OR51E2: variants seen among roughly 807,000 people sequenced by gnomAD.
OR51E2 encodes the protein olfactory receptor family 51 subfamily E member 2, also known as olfactory receptor 51E2.
OR51E2 carries 14 observed loss-of-function variants against 13.7 expected under a neutral mutation model. The ratio of observed to expected loss-of-function variants is 1.02; its 90% CI spans 0.68 to 1.60. The LOEUF is 1.60. OR51E2 is among the 40% of genes most tolerant of loss of function. The pLI is 0.00. For synonymous variants in OR51E2, 180 were observed against 157.6 expected (o/e 1.14, Z -1.07); for missense variants, 483 against 413.8 (o/e 1.17, Z -1.45).
At chr11:4,694,585 C>T (rs1196326069) in intron 1 of OR51E2, among the ~76,000 whole-genome samples, 1 of 151,446 alleles carries the variant, frequency 6.6e-6, no homozygotes, top group East Asian at 1.9e-4. Context: ...TACACACACA[C>T]ACACACACAC....
chr11:4,691,737 A>C (rs1430374238), intron 1 of OR51E2: 3 of 342,772 alleles, frequency 8.8e-6, no homozygotes, highest in South Asian at 4.6e-5. Context: ...ATGAGAGCTT[A>C]AACAAAAAAA....
chr11:4,692,212 A>G, intron 1 of OR51E2: 1 of 448,494 alleles, frequency 2.2e-6, no homozygotes, highest in Non-Finnish European at 4.5e-6. Flanking sequence ...AAGCCAGAAA[A>G]TATGAAGAAA....
chr11:4,684,225 G>A (rs1847490197), intron 1 of OR51E2, among the ~76,000 whole-genome samples: 1 of 152,160 alleles, frequency 6.6e-6, no homozygotes, highest in South Asian at 2.1e-4. Flanking sequence ...AACTTGTGCA[G>A]ACAAAACAGC....
In OR51E2 at chr11:4,682,622, G is replaced by C; in HGVS notation, c.90C>G (p.Leu30=). The change falls in exon 2 of 2, where the codon CTC becomes CTG. Residue 30 remains leucine, a synonymous_variant. Coordinates refer to ENST00000396950, the MANE Select transcript of OR51E2 (RefSeq NM_030774.4). ...EKAHFWVGFP[L]LSMYVVAMFG... ...ACATTGCCACTACATACATGGAAAG[G>C]AGGGGGAAGCCAACCCAGAAATGGG... 6.2e-7 allele frequency: 1 copy of C among 1,614,216 alleles called. No homozygotes were observed. The highest frequency in any genetic ancestry group is 2.2e-5 in the East Asian group (1 of 44,882).
chr11:4,697,568 T>C (rs561047024), intron 1 of OR51E2, 85 bp downstream of exon 1: 42 of 152,772 alleles, frequency 2.7e-4, no homozygotes, highest in African/African-American at 8.4e-4. Context: ...ATTCTGCACA[T>C]TGTGAGGAAA....
intron 1 of OR51E2, among the ~76,000 whole-genome samples, chr11:4,685,483 T>C (rs932553503): frequency 1.3e-5 from 2 of 152,206 alleles, no homozygotes; most frequent in African/African-American, 4.8e-5. Flanking sequence ...GCATCCTCTC[T>C]AAAAATACAA....
chr11:4,682,662 G>A lies in OR51E2; in HGVS notation c.50C>T (p.Pro17Leu). The A allele has an allele frequency of 1.2e-5, 20 of 1,614,174 alleles. No homozygotes were observed. Among genetic ancestry groups the A allele is most frequent in the Non-Finnish European group, 1.7e-5 (20 of 1,180,028 alleles). The change falls in exon 2 of 2, where the codon CCA becomes CTA. Residue 17 changes from proline (P) to leucine (L), a missense_variant. By Grantham distance (98) the Pro-to-Leu change is moderately conservative. Transcript: ENST00000396950. ...CCAGAAATGGGCTTTCTCTAATCCTGGGATACCAATAAGCACAAAGGTGGC... is the reference window on the plus strand; with the variant it reads ...CCAGAAATGGGCTTTCTCTAATCCTAGGATACCAATAAGCACAAAGGTGGC... Reference protein sequence around the residue: ...THATFVLIGIPGLEKAHFWVG... With the variant: ...THATFVLIGILGLEKAHFWVG...
In OR51E2 at chr11:4,682,263, C is replaced by T. The variant is rs140286788; in HGVS notation, c.449G>A (p.Arg150His). The T allele has an allele frequency of 1.1e-4, 173 of 1,614,006 alleles. No individual in the cohort carries two copies. The highest frequency in any genetic ancestry group is 1.3e-4 in the Non-Finnish European group (154 of 1,180,026). ...TAQIGIVAVV[R>H]GSLFFFPLPL... ...CAGTGGGAAAAAAAAGAGGGATCCG[C>T]GGACCACAGCCACGATGCCAATCTG... The change falls in exon 2 of 2, where the codon CGC becomes CAC. Residue 150 changes from arginine (R) to histidine (H), a missense_variant. Arg to His is a conservative substitution (Grantham distance 29). Coordinates refer to ENST00000396950, the MANE Select transcript of OR51E2 (RefSeq NM_030774.4).
chr11:4,686,508 T>C (rs994511430), intron 1 of OR51E2, among the ~76,000 whole-genome samples: 1 of 152,140 alleles, frequency 6.6e-6, no homozygotes, highest in African/African-American at 2.4e-5. Flanking sequence ...ACTAGACATG[T>C]GTTTCAGATT....
intron 1 of OR51E2, chr11:4,691,004 T>A (rs1250862827): frequency 4.4e-6 from 2 of 455,486 alleles, no homozygotes; most frequent in Non-Finnish European, 8.8e-6. Flanking sequence ...TCCTCTCTTC[T>A]GGGGAAGCAA....
At chr11:4,696,103 T>G (rs977259054) in intron 1 of OR51E2, among the ~76,000 whole-genome samples, 1 of 152,126 alleles carries the variant, frequency 6.6e-6, no homozygotes, top group Admixed American at 6.6e-5. Flanking sequence ...AACCTGTAAT[T>G]TAGAAAAATA....
At chr11:4,692,035 T>A (rs532692575) in intron 1 of OR51E2, 35 of 350,024 alleles carry the variant, frequency 1.0e-4, no homozygotes, top group Non-Finnish European at 1.8e-4. Context: ...ACCCTGAGTT[T>A]GCCAATCATA....
intron 1 of OR51E2, among the ~76,000 whole-genome samples, chr11:4,696,723 T>A (rs1589876741): frequency 6.6e-6 from 1 of 152,160 alleles, no homozygotes; most frequent in East Asian, 1.9e-4. Context: ...TGAAATAAGC[T>A]ATATTCTCTC....
intron 1 of OR51E2, among the ~76,000 whole-genome samples, chr11:4,697,048 A>G (rs1589876842): frequency 6.6e-6 from 1 of 152,354 alleles, no homozygotes; most frequent in East Asian, 1.9e-4. Context: ...TTTAATTCTT[A>G]CTATGTCATC....
At position 4,681,990 on chromosome 11, in the gene OR51E2, A is replaced by G; in HGVS notation, c.722T>C (p.Val241Ala). ...SERAKAFGTC[V>A]SHIGVVLAFY... Reference sequence around the variant, plus strand: ...GGCGAGTACCACACCAATGTGTGACACACAGGTTCCAAAGGCCTTGGCCCG... The same window carrying G: ...GGCGAGTACCACACCAATGTGTGACGCACAGGTTCCAAAGGCCTTGGCCCG... The change falls in exon 2 of 2, where the codon GTG (valine) becomes GCG (alanine). Residue 241 changes from valine to alanine, a missense_variant. Val to Ala is a moderately conservative substitution (Grantham distance 64). Coordinates refer to ENST00000396950, the MANE Select transcript of OR51E2 (RefSeq NM_030774.4). 3 of 1,614,264 alleles carry G rather than the reference A, an allele frequency of 1.9e-6. No individual in the cohort carries two copies. Among genetic ancestry groups the G allele is most frequent in the Non-Finnish European group, 2.5e-6 (3 of 1,180,052 alleles).
chr11:4,683,553 A>G (rs1589872053), intron 1 of OR51E2, among the ~76,000 whole-genome samples: 1 of 152,222 alleles, frequency 6.6e-6, no homozygotes, highest in South Asian at 2.1e-4. Context: ...TGCTGGCAGG[A>G]CACTGGTGAG....
chr11:4,684,028 C>T (rs1368228757), intron 1 of OR51E2, among the ~76,000 whole-genome samples: 1 of 152,170 alleles, frequency 6.6e-6, no homozygotes, highest in East Asian at 1.9e-4. Flanking sequence ...CTGGGAGATG[C>T]CCTTCAGTTT....
rs542037251 is a variant in OR51E2 at position 4,694,837 on chromosome 11, CTG to C, written c.-51+2814_-51+2815del. ...GGAGTGTGTGCATACATGAATGTGTCTGTGTGTGTCAAGAAGAACTAGTTCCA... is the reference window on the plus strand; with the variant it reads ...GGAGTGTGTGCATACATGAATGTGTCTGTGTGTCAAGAAGAACTAGTTCCA... On this transcript the variant is annotated intron_variant, in intron 1 of 1. Transcript: ENST00000396950. 5.1e-4 allele frequency among the ~76,000 whole-genome samples: 78 copies of C among 152,024 alleles called. No homozygotes were observed. The Middle Eastern group carries it at 0.01, about 20-fold the overall frequency.
chr11:4,697,295 C>T (rs1403873452), intron 1 of OR51E2, among the ~76,000 whole-genome samples: 3 of 152,262 alleles, frequency 2.0e-5, no homozygotes, highest in South Asian at 2.1e-4. Context: ...ACAGGATATG[C>T]GCTGTGTCTA....
Sources: gnomAD v4.1 joint callset for allele counts (sites outside exome capture counted in the v4.1 genomes callset) on GRCh38, gnomAD v4.1.1 for gene constraint, MANE v1.5 for transcripts, NCBI Gene and HGNC (gene_info 2026-07-23, HGNC 2026-07-21) for gene names.